The following PPP2R2B variants were observed in gnomAD, a reference collection of about 807,000 sequenced individuals.
PPP2R2B encodes serine/threonine-protein phosphatase 2A 55 kDa regulatory subunit B beta isoform.
PPP2R2B carries 5 observed loss-of-function variants against 46.0 expected under a neutral mutation model. That is an observed-to-expected ratio of 0.11 (90% confidence interval 0.06 to 0.23). PPP2R2B has a LOEUF of 0.23. Among genes scored for constraint, PPP2R2B ranks in the 10% least tolerant of loss-of-function variants. The probability of loss-of-function intolerance (pLI) is 1.00; values close to 1 mark genes in which losing one functional copy is unlikely to be tolerated. For synonymous variants in PPP2R2B, 215 were observed against 206.7 expected (o/e 1.04, Z -0.34); for missense variants, 367 against 575.0 (o/e 0.64, Z 3.70).
At chr5:146,914,961 G>A (rs533408805) in intron 1 of PPP2R2B, among the ~76,000 whole-genome samples, 38 of 152,298 alleles carry the variant, frequency 2.5e-4, no homozygotes, top group African/African-American at 7.7e-4. Flanking sequence ...TCATAAAGAT[G>A]TTCTGGTTAA....
chr5:146,734,497 C>T (rs561964018), intron 2 of PPP2R2B, among the ~76,000 whole-genome samples: 1 of 152,294 alleles, frequency 6.6e-6, no homozygotes, highest in South Asian at 2.1e-4. Flanking sequence ...GGTCCTACAA[C>T]TCAATAGGTT....
chr5:146,844,111 C>A (rs1169655751), intron 2 of PPP2R2B, among the ~76,000 whole-genome samples: 2 of 149,502 alleles, frequency 1.3e-5, no homozygotes, highest in Non-Finnish European at 3.0e-5. Context: ...GAACAAAAAA[C>A]CAAACACCGC....
chr5:146,670,832 A>C (rs1777311789), intron 5 of PPP2R2B, among the ~76,000 whole-genome samples: 1 of 152,142 alleles, frequency 6.6e-6, no homozygotes, highest in African/African-American at 2.4e-5. Context: ...GCTTTTAGTT[A>C]ACTAACTTTA....
intron 7 of PPP2R2B, among the ~76,000 whole-genome samples, chr5:146,618,662 C>G (rs1269500872): frequency 2.0e-5 from 3 of 152,190 alleles, no homozygotes; most frequent in African/African-American, 7.2e-5. Context: ...ACAGGGAAGG[C>G]AGGCCAGAGC....
chr5:146,772,313 T>C (rs1401651889), intron 2 of PPP2R2B, among the ~76,000 whole-genome samples: 1 of 148,698 alleles, frequency 6.7e-6, no homozygotes, highest in Non-Finnish European at 1.5e-5. Flanking sequence ...TCCTTGCCTA[T>C]ATAAAACTTA....
chr5:146,747,647 A>T (rs1453176270), intron 2 of PPP2R2B, among the ~76,000 whole-genome samples: 1 of 152,228 alleles, frequency 6.6e-6, no homozygotes, highest in East Asian at 1.9e-4. Context: ...CAGATAATGA[A>T]GGTGACAGTA....
chr5:146,860,055 T>C (rs986538615), intron 2 of PPP2R2B, among the ~76,000 whole-genome samples: 4 of 152,192 alleles, frequency 2.6e-5, no homozygotes, highest in African/African-American at 7.2e-5. Context: ...AAACAATTTT[T>C]CTAGTGATTT....
intron 2 of PPP2R2B, chr5:147,080,996 T>A (rs1757953406): frequency 6.9e-7 from 1 of 1,453,520 alleles, no homozygotes; most frequent in East Asian, 2.5e-5. Flanking sequence ...TGAAAGTTTT[T>A]AATTTTGAAA....
rs185886683 is a variant in PPP2R2B at position 146,996,235 on chromosome 5, G to A, written c.79+59430C>T. On this transcript the variant is annotated intron_variant, in intron 1 of 8. Transcript: ENST00000336640. ...AAAAGTATTTCTAGTTGGCAGACGGGGAAGCCTTCACAGAAGACAATTTGG... is the reference window on the plus strand; with the variant it reads ...AAAAGTATTTCTAGTTGGCAGACGGAGAAGCCTTCACAGAAGACAATTTGG... Among the ~76,000 whole-genome samples the A allele has an allele frequency of 7.3e-4, 111 of 152,230 alleles. 1 individual carries two copies. In the East Asian group the frequency reaches 0.018, roughly 24 times the overall value.
intron 7 of PPP2R2B, among the ~76,000 whole-genome samples, chr5:146,604,201 G>A (rs182151992): frequency 8.7e-4 from 132 of 152,250 alleles, no homozygotes; most frequent in Admixed American, 3.7e-3. Flanking sequence ...GTTATCAGAC[G>A]GAAATCATGG....
chr5:146,633,405 G>A lies in PPP2R2B; in HGVS notation c.790+4846C>T, dbSNP rs947336833. ...GAACTGCGGTTGACTGCAGGCTGCC[G>A]TTTGAGGAGGATGGAGAAAATCAAT... On this transcript the variant is annotated intron_variant, in intron 7 of 9. Transcript: ENST00000394411. Among the ~76,000 whole-genome samples the A allele has an allele frequency of 1.8e-4, 27 of 152,338 alleles. No individual in the cohort carries two copies. In the South Asian group the frequency reaches 2.1e-3, roughly 12 times the overall value.
At chr5:146,746,001 A>G (rs1051390719) in intron 2 of PPP2R2B, among the ~76,000 whole-genome samples, 2 of 152,082 alleles carry the variant, frequency 1.3e-5, no homozygotes, top group African/African-American at 4.8e-5. Flanking sequence ...AATGCAAGCA[A>G]TTGTTATCTA....
At chr5:146,946,313 C>T (rs1764481731) in intron 1 of PPP2R2B, among the ~76,000 whole-genome samples, 1 of 152,092 alleles carries the variant, frequency 6.6e-6, no homozygotes, top group African/African-American at 2.4e-5. Context: ...CCCTGTCCCC[C>T]CACCACTGCT....
chr5:147,002,895 A>G (rs1239897643), intron 1 of PPP2R2B, among the ~76,000 whole-genome samples: 2 of 151,520 alleles, frequency 1.3e-5, no homozygotes, highest in African/African-American at 4.9e-5. Flanking sequence ...ACACTCAGGT[A>G]TCAACAGGCT....
chr5:146,675,386 G>A (rs1777644004), intron 5 of PPP2R2B, among the ~76,000 whole-genome samples: 1 of 152,082 alleles, frequency 6.6e-6, no homozygotes, highest in Non-Finnish European at 1.5e-5. Flanking sequence ...TTGTTTTTAT[G>A]TTCCCCCTCA....
chr5:147,008,804 A>G (rs1754574225), intron 1 of PPP2R2B, among the ~76,000 whole-genome samples: 3 of 152,078 alleles, frequency 2.0e-5, no homozygotes. Flanking sequence ...AAGGAGCTCA[A>G]CTCTAGTTTC....
At chr5:146,842,093 G>A (rs1759684795) in intron 2 of PPP2R2B, among the ~76,000 whole-genome samples, 1 of 152,060 alleles carries the variant, frequency 6.6e-6, no homozygotes, top group South Asian at 2.1e-4. Context: ...TCCATTCTTG[G>A]CATGGAATAC....
chr5:146,848,275 G>A (rs1185992927), intron 2 of PPP2R2B, among the ~76,000 whole-genome samples: 1 of 152,030 alleles, frequency 6.6e-6, no homozygotes, highest in African/African-American at 2.4e-5. Context: ...TGTTAGTGTG[G>A]TACGTTTTTA....
At position 146,854,402 on chromosome 5, in the gene PPP2R2B, TTTA is replaced by T. The variant is rs372251318; in HGVS notation, c.70+23597_70+23599del. Among the ~76,000 whole-genome samples, 265 of 152,282 alleles carry T rather than the reference TTTA, an allele frequency of 1.7e-3. 1 individual carries two copies. Among genetic ancestry groups the T allele is most frequent in the African/African-American group, 5.7e-3 (237 of 41,572 alleles). On this transcript the variant is annotated intron_variant, in intron 2 of 9. Transcript: ENST00000394411. ...TTCGGGTTATTTATCACCTTGAGTA[TTTA>T]TTATTTCTATGTGTTGGGGACATTT... is the stretch of plus-strand genomic sequence containing the variant.
Sources: gnomAD v4.1 joint callset for allele counts (sites outside exome capture counted in the v4.1 genomes callset) on GRCh38, gnomAD v4.1.1 for gene constraint, MANE v1.5 for transcripts, NCBI Gene and HGNC (gene_info 2026-07-23, HGNC 2026-07-21) for gene names.